MAP3K13: variants seen among roughly 807,000 people sequenced by gnomAD.
MAP3K13 encodes the protein leucine zipper-bearing kinase.
A neutral mutation model predicts 104.0 loss-of-function variants in MAP3K13; 52 were observed. That is an observed-to-expected ratio of 0.50 (90% CI 0.40 to 0.63). The LOEUF (loss-of-function observed/expected upper bound fraction) is 0.63, where lower values mean the gene tolerates loss of function less well. Ranked by LOEUF, MAP3K13 falls within the 20% of genes least tolerant of loss-of-function variation. The pLI is 0.00. For missense variants in MAP3K13, 914 were observed against 1,218.5 expected (o/e 0.75, Z 3.72); for synonymous variants, 394 against 442.2 (o/e 0.89, Z 1.37).
intron 1 of MAP3K13, among the ~76,000 whole-genome samples, chr3:185,381,525 G>C (rs1355585754): frequency 6.6e-6 from 1 of 152,158 alleles, no homozygotes; most frequent in Non-Finnish European, 1.5e-5. Context: ...AGCTGGGGTC[G>C]AACAAGATGA....
rs1308157214 is a variant in MAP3K13, at chr3:185,456,195, T to G, written c.1278+4800T>G. ...AGAAATGATAAATCAGAGACTCCTG[T>G]CCTGTTACCAAAGTTCTAACACACC... On this transcript the variant is annotated intron_variant, in intron 7 of 13. Transcript: ENST00000265026. Among the ~76,000 whole-genome samples, 3 of 152,050 alleles carry G rather than the reference T, an allele frequency of 2.0e-5. No homozygotes were observed. The East Asian group carries it at 5.8e-4, about 29-fold the overall frequency.
At chr3:185,350,343 GC>G (rs1255082881) in intron 2 of MAP3K13, among the ~76,000 whole-genome samples, 9 of 152,090 alleles carry the variant, frequency 5.9e-5, no homozygotes, top group Non-Finnish European at 8.8e-5. Context: ...GCATTACCAT[GC>G]CTGGCTAATT....
chr3:185,354,256 A>G (rs746554147), intron 2 of MAP3K13, among the ~76,000 whole-genome samples: 3 of 151,212 alleles, frequency 2.0e-5, no homozygotes, highest in Non-Finnish European at 3.0e-5. Flanking sequence ...TCTATCTGCT[A>G]AGGGTCTGCT....
intron 2 of MAP3K13, among the ~76,000 whole-genome samples, chr3:185,330,849 T>C (rs1313809556): frequency 6.6e-6 from 1 of 152,188 alleles, no homozygotes; most frequent in African/African-American, 2.4e-5. Flanking sequence ...CCTGCCATTG[T>C]TCTCACTCAG....
intron 1 of MAP3K13, among the ~76,000 whole-genome samples, chr3:185,284,055 C>T (rs1220220352): frequency 4.6e-5 from 7 of 151,836 alleles, no homozygotes; most frequent in Admixed American, 4.6e-4. Flanking sequence ...CGCGCCACCA[C>T]CCCCAGCTAA....
chr3:185,477,445 A>ATGT, intron 12 of MAP3K13, 49 bp downstream of exon 12: 1 of 1,460,310 alleles, frequency 6.8e-7, no homozygotes, highest in South Asian at 1.1e-5. Flanking sequence ...TGGGGAAAAA[A>ATGT]AATCCTAAGT....
chr3:185,376,027 G>A (rs1241178304), intron 1 of MAP3K13, among the ~76,000 whole-genome samples: 1 of 152,218 alleles, frequency 6.6e-6, no homozygotes, highest in Non-Finnish European at 1.5e-5. Context: ...AGCATAGCTT[G>A]CCTTTGCTGG....
At chr3:185,374,666 CTCTA>C (rs1480882332) in intron 1 of MAP3K13, among the ~76,000 whole-genome samples, 1 of 152,026 alleles carries the variant, frequency 6.6e-6, no homozygotes, top group African/African-American at 2.4e-5. Flanking sequence ...AGCTTTTAGG[CTCTA>C]TCTTTGAGTT....
At chr3:185,439,487 C>A (rs1369176298) in intron 3 of MAP3K13, among the ~76,000 whole-genome samples, 1 of 152,112 alleles carries the variant, frequency 6.6e-6, no homozygotes. Context: ...ATCTTCACTT[C>A]CAGTATGCTA....
chr3:185,455,864 T>G (rs1716692055), intron 7 of MAP3K13, among the ~76,000 whole-genome samples: 1 of 63,078 alleles, frequency 1.6e-5, no homozygotes, highest in Non-Finnish European at 4.0e-5. Flanking sequence ...GAGATATATA[T>G]GAGATATAGA....
Position 185,428,993 on chromosome 3 carries a change from T to G in MAP3K13, c.412T>G (p.Leu138Val). Residue 138 changes from leucine to valine, a missense_variant, in exon 2 of 14, where the codon TTA becomes GTA. This residue lies in a region of MAP3K13 where 175 missense variants were observed against 321.3 expected (regional missense o/e 0.54). Transcript: ENST00000265026. ...GTTTCTTGAAGGACTATTTGGATGC[T>G]TAAGGCCTGTATGGAATATCATTGG... The part of the protein sequence containing the change: ...GGFLEGLFGC[L>V]RPVWNIIGKA... 1 of 1,614,192 alleles carries G rather than the reference T, an allele frequency of 6.2e-7. No homozygotes were observed.
At chr3:185,395,357 C>CTTTTTTTTTTTTTTTTTTTT (rs770336517) in intron 1 of MAP3K13, among the ~76,000 whole-genome samples, 2 of 69,976 alleles carry the variant, frequency 2.9e-5, no homozygotes, top group African/African-American at 1.4e-4. Context: ...AATATTATTT[C>CTTTTTTTTTTTTTTTTTTTT]TTTTTTTTTT....
chr3:185,289,223 C>T (rs868667156), intron 2 of MAP3K13, among the ~76,000 whole-genome samples: 1 of 152,044 alleles, frequency 6.6e-6, no homozygotes, highest in Admixed American at 6.6e-5. Flanking sequence ...GCAGTGAACT[C>T]CTGGTAATTA....
chr3:185,284,755 A>G (rs557095412), intron 1 of MAP3K13, among the ~76,000 whole-genome samples: 1 of 149,264 alleles, frequency 6.7e-6, no homozygotes, highest in Admixed American at 6.6e-5. Flanking sequence ...AATAAATAAA[A>G]TTTAAAAAAT....
At chr3:185,415,742 C>G (rs1713730724) in intron 1 of MAP3K13, among the ~76,000 whole-genome samples, 1 of 151,982 alleles carries the variant, frequency 6.6e-6, no homozygotes, top group Admixed American at 6.6e-5. Context: ...TGCCACCACA[C>G]CCAGCTGATT....
At chr3:185,331,283 T>G (rs1437923235) in intron 2 of MAP3K13, among the ~76,000 whole-genome samples, 1 of 151,818 alleles carries the variant, frequency 6.6e-6, no homozygotes, top group Non-Finnish European at 1.5e-5. Context: ...AGTAAGGAGA[T>G]GGGGTTTCTC....
chr3:185,455,017 GATATATATGAGATATATATGAT>G (rs1560118163), intron 7 of MAP3K13, among the ~76,000 whole-genome samples: 2 of 17,776 alleles, frequency 1.1e-4, no homozygotes, highest in African/African-American at 2.4e-4. Flanking sequence ...AGATATATAT[GATATATATGAGATATATATGAT>G]ATATATATGA....
Position 185,417,830 on chromosome 3 carries a change from T to A in MAP3K13, c.-85-10667T>A. The A allele has an allele frequency of 1.9e-6, 3 of 1,610,108 alleles. No homozygotes were observed. The East Asian group carries it at 6.7e-5, about 36-fold the overall frequency. On this transcript the variant is annotated intron_variant, in intron 1 of 13. Transcript: ENST00000265026. ...ATGATTCTCAAGTTTTTCAGTGGGT[T>A]CTTCTTTAGGACTCTGCGATGAATC...
At chr3:185,411,068 C>T (rs1713415270) in intron 1 of MAP3K13, among the ~76,000 whole-genome samples, 1 of 152,018 alleles carries the variant, frequency 6.6e-6, no homozygotes, top group Admixed American at 6.6e-5. Context: ...CCCTTCAAAG[C>T]TATCATCGGA....
Sources: gnomAD v4.1 joint callset for allele counts (sites outside exome capture counted in the v4.1 genomes callset) on GRCh38, gnomAD v4.1.1 for gene constraint, gnomAD v4.1.1 regional missense constraint, MANE v1.5 for transcripts, NCBI Gene and HGNC (gene_info 2026-07-23, HGNC 2026-07-21) for gene names.